The following ST3GAL3 variants were observed in gnomAD, a reference collection of about 807,000 sequenced individuals.
ST3GAL3 encodes CMP-N-acetylneuraminate-beta-1,4-galactoside alpha-2,3-sialyltransferase.
ST3GAL3 carries 21 observed loss-of-function variants against 50.1 expected under a neutral mutation model. That is an observed-to-expected ratio of 0.42 (90% CI 0.30 to 0.60). The LOEUF (loss-of-function observed/expected upper bound fraction) is 0.60, where lower values mean the gene tolerates loss of function less well. Ranked by LOEUF, ST3GAL3 falls within the 20% of genes least tolerant of loss-of-function variation. ST3GAL3 has a pLI of 0.19. For missense variants in ST3GAL3, 353 were observed against 489.4 expected, an observed-to-expected ratio of 0.72 and a Z score of 2.63; for synonymous variants, 183 against 190.0, an observed-to-expected ratio of 0.96 and a Z score of 0.30.
chr1:43,750,000 A>G (rs1685405307), intron 2 of ST3GAL3, among the ~76,000 whole-genome samples: 1 of 152,178 alleles, frequency 6.6e-6, no homozygotes, highest in Non-Finnish European at 1.5e-5. Context: ...GAATCTCTAG[A>G]ACTATGAGAA....
At chr1:43,846,191 G>C (rs916079497) in intron 5 of ST3GAL3, among the ~76,000 whole-genome samples, 1 of 152,082 alleles carries the variant, frequency 6.6e-6, no homozygotes, top group Non-Finnish European at 1.5e-5. Context: ...CTGACTTTCT[G>C]TACACTTTTT....
chr1:43,823,582 C>T (rs2154185839), intron 4 of ST3GAL3, among the ~76,000 whole-genome samples: 1 of 152,294 alleles, frequency 6.6e-6, no homozygotes, highest in Non-Finnish European at 1.5e-5. Context: ...GTTCCCTGTT[C>T]CCCTTTACTG....
intron 2 of ST3GAL3, among the ~76,000 whole-genome samples, chr1:43,756,011 G>A (rs1440618508): frequency 2.1e-5 from 3 of 145,406 alleles, no homozygotes; most frequent in African/African-American, 7.8e-5. Context: ...TGAGGTGGGA[G>A]GATCACTTGA....
chr1:43,903,737 T>A (rs1010183995), intron 9 of ST3GAL3, among the ~76,000 whole-genome samples: 4 of 152,182 alleles, frequency 2.6e-5, no homozygotes, highest in African/African-American at 9.7e-5. Flanking sequence ...GAGTCCCTGA[T>A]CTTAGAGTGA....
chr1:43,832,001 T>C (rs3791073), intron 4 of ST3GAL3, among the ~76,000 whole-genome samples: 10,210 of 152,248 alleles, frequency 0.067, 370 homozygotes, highest in East Asian at 0.14. Context: ...GCTCAGTGAA[T>C]GTTACTTCTC....
intron 3 of ST3GAL3, among the ~76,000 whole-genome samples, chr1:43,807,416 A>AT (rs2060021772): frequency 7.1e-6 from 1 of 140,708 alleles, no homozygotes; most frequent in Non-Finnish European, 1.5e-5. Flanking sequence ...ACTCTGTCTC[A>AT]AAAATAAATA....
At chr1:43,775,653 T>C (rs1241697086) in intron 2 of ST3GAL3, among the ~76,000 whole-genome samples, 10 of 152,164 alleles carry the variant, frequency 6.6e-5, no homozygotes, top group Non-Finnish European at 1.3e-4. Flanking sequence ...CAACTTCTAC[T>C]TGGGGGGACA....
chr1:43,731,828 G>A (rs1467517312), intron 1 of ST3GAL3, among the ~76,000 whole-genome samples: 12 of 151,754 alleles, frequency 7.9e-5, no homozygotes, highest in Non-Finnish European at 1.5e-4. Flanking sequence ...CACTATGCCC[G>A]GCCCTGACTA....
intron 5 of ST3GAL3, among the ~76,000 whole-genome samples, chr1:43,858,991 A>G (rs2069210840): frequency 6.6e-6 from 1 of 152,164 alleles, no homozygotes; most frequent in Non-Finnish European, 1.5e-5. Flanking sequence ...CCACGGCCCT[A>G]CTCAGGGAGC....
At chr1:43,857,634 T>TCCTTCCTTCCTC (rs2068836329) in intron 5 of ST3GAL3, among the ~76,000 whole-genome samples, 1 of 145,924 alleles carries the variant, frequency 6.9e-6, no homozygotes, top group African/African-American at 2.5e-5. Flanking sequence ...CTTCCTTCCT[T>TCCTTCCTTCCTC]CCTCGGAGTC....
At chr1:43,917,641 TA>T (rs1292732945) in intron 9 of ST3GAL3, among the ~76,000 whole-genome samples, 2 of 76,172 alleles carry the variant, frequency 2.6e-5, no homozygotes, top group African/African-American at 9.9e-5. Flanking sequence ...ATATATAATA[TA>T]ATATATAATA....
intron 3 of ST3GAL3, among the ~76,000 whole-genome samples, chr1:43,797,739 A>G (rs903140651): frequency 1.3e-5 from 2 of 152,192 alleles, no homozygotes; most frequent in Non-Finnish European, 2.9e-5. Flanking sequence ...TGGAAGGTCT[A>G]GTCAATGTAA....
intron 5 of ST3GAL3, chr1:43,840,195 T>A (rs1259625990): frequency 1.3e-5 from 2 of 151,944 alleles, no homozygotes; most frequent in Admixed American, 1.3e-4. Flanking sequence ...CGTGGCTAAT[T>A]TTTGTATTTC....
chr1:43,929,912 G>A, intron 11 of ST3GAL3: 2 of 688,662 alleles, frequency 2.9e-6, no homozygotes, highest in South Asian at 1.4e-5. Flanking sequence ...GGGTATGAAG[G>A]TTCTTTTTTC....
At chr1:43,845,913 T>C (rs1463635256) in intron 5 of ST3GAL3, among the ~76,000 whole-genome samples, 2 of 152,198 alleles carry the variant, frequency 1.3e-5, no homozygotes, top group Non-Finnish European at 2.9e-5. Flanking sequence ...TTTGGAAGTG[T>C]TTTTGCTTAA....
rs1262850509 is a variant in ST3GAL3, at chr1:43,898,309, C to T, written c.461+11C>T. The T allele has an allele frequency of 6.2e-7, 1 of 1,613,064 alleles. No homozygotes were observed. ...CCCTGCCTTGGACAGGTGAGCCACA[C>T]ACTGTGCAGCCTCCTACCCACCGCT... On this transcript the variant is annotated intron_variant, in intron 7 of 11. Coordinates refer to ENST00000347631, the MANE Select transcript of ST3GAL3 (RefSeq NM_006279.5).
chr1:43,900,257 A>C (rs143154574), intron 9 of ST3GAL3, among the ~76,000 whole-genome samples: 8 of 152,302 alleles, frequency 5.3e-5, no homozygotes, highest in African/African-American at 1.7e-4. Flanking sequence ...TCCCAAACTT[A>C]GAAGTCCTGG....
At chr1:43,716,782 G>A (rs114441073) in intron 1 of ST3GAL3, among the ~76,000 whole-genome samples, 2,015 of 152,186 alleles carry the variant, frequency 0.013, 50 homozygotes, top group African/African-American at 0.047. Context: ...CACCAAGAGA[G>A]GTTTATAAAT....
At chr1:43,906,614 T>C (rs1050904203) in intron 9 of ST3GAL3, among the ~76,000 whole-genome samples, 1 of 149,658 alleles carries the variant, frequency 6.7e-6, no homozygotes, top group African/African-American at 2.5e-5. Flanking sequence ...CTCCTCCTCC[T>C]GCTCTTCTTC....
Sources: gnomAD v4.1 joint callset for allele counts (sites outside exome capture counted in the v4.1 genomes callset) on GRCh38, gnomAD v4.1.1 for gene constraint, MANE v1.5 for transcripts, NCBI Gene and HGNC (gene_info 2026-07-23, HGNC 2026-07-21) for gene names.